USP9Y: variants seen among roughly 807,000 people sequenced by gnomAD.
USP9Y encodes ubiquitin carboxyl-terminal hydrolase 9Y.
A neutral mutation model predicts 53.1 loss-of-function variants in USP9Y; 41 were observed. The ratio of observed to expected loss-of-function variants is 0.77; its 90% CI spans 0.60 to 1.00. The LOEUF (loss-of-function observed/expected upper bound fraction) is 1.00. Ranked by LOEUF, USP9Y falls within the 50% of genes least tolerant of loss-of-function variation. The pLI, the probability that USP9Y is intolerant of heterozygous loss-of-function variation, is 0.00. For missense variants in USP9Y, 567 were observed against 535.8 expected (o/e 1.06, Z -0.58); for synonymous variants, 220 against 173.7 (o/e 1.27, Z -2.09).
chrY:12,717,536 C>T, intron 3 of USP9Y, among the ~76,000 whole-genome samples: 1 of 32,135 alleles, frequency 3.1e-5, no homozygotes, highest in African/African-American at 1.2e-4. Context: ...CGGATCCCCT[C>T]GTAGGGCTGC....
chrY:12,709,655 G>GA, intron 3 of USP9Y, 112 bp downstream of exon 3: 1 of 196,582 alleles, frequency 5.1e-6, no homozygotes, highest in South Asian at 3.9e-5. Flanking sequence ...AGTTACACGT[G>GA]AAAAAAGTGA....
At chrY:12,729,873 T>G (rs2053445850) in intron 7 of USP9Y, among the ~76,000 whole-genome samples, 1 of 33,892 alleles carries the variant, frequency 3.0e-5, no homozygotes, top group Non-Finnish European at 7.3e-5. Flanking sequence ...ACGAGAATGT[T>G]TATTCTGCTA....
At chrY:12,702,788 A>T (rs1603195035) in intron 1 of USP9Y, among the ~76,000 whole-genome samples, 2 of 33,202 alleles carry the variant, frequency 6.0e-5, no homozygotes, top group Admixed American at 2.7e-4. Context: ...TCCACAATAA[A>T]TTTTTGTTTT....
intron 29 of USP9Y, 56 bp from the exon 30 acceptor site, chrY:12,811,579 T>C: frequency 2.6e-6 from 1 of 381,874 alleles, no homozygotes; most frequent in Non-Finnish European, 3.7e-6. Context: ...CCTAACTCCT[T>C]GTCCTTTTCT....
At chrY:12,769,637 C>T (rs2053483787) in intron 15 of USP9Y, among the ~76,000 whole-genome samples, 2 of 34,017 alleles carry the variant, frequency 5.9e-5, no homozygotes, top group Admixed American at 5.3e-4. Context: ...TGGTTTTTAT[C>T]GTATTCTTCT....
chrY:12,773,807 T>A lies in USP9Y; in HGVS notation c.2213T>A (p.Met738Lys). Residue 738 changes from methionine (M) to lysine (K), a missense_variant, in exon 17 of 46, where the codon ATG (methionine) becomes AAG (lysine). Coordinates refer to ENST00000338981, the MANE Select transcript of USP9Y (RefSeq NM_004654.4). Reference sequence around the variant, plus strand: ...CCTTCCCTTTTAACTGAAAATGGAATGAAATGCTTTGAAAGATTTTTCAAA... The same window carrying A: ...CCTTCCCTTTTAACTGAAAATGGAAAGAAATGCTTTGAAAGATTTTTCAAA... ...LDPSLLTENG[M>K]KCFERFFKAV... is the part of the protein sequence containing the mutation. 2.5e-6 allele frequency: 1 copy of A among 397,460 alleles called. No individual in the cohort carries two copies. Among genetic ancestry groups the A allele is most frequent in the Non-Finnish European group, 3.5e-6 (1 of 282,817 alleles).
chrY:12,740,371 CAACTT>C (rs2053456428), intron 12 of USP9Y, among the ~76,000 whole-genome samples: 1 of 33,314 alleles, frequency 3.0e-5, no homozygotes, highest in African/African-American at 1.2e-4. Context: ...ATGAAGGAAA[CAACTT>C]AAATGTCTAT....
chrY:12,763,345 T>G, intron 15 of USP9Y, among the ~76,000 whole-genome samples: 1 of 33,361 alleles, frequency 3.0e-5, no homozygotes, highest in Non-Finnish European at 7.4e-5. Flanking sequence ...ACCACTTTGT[T>G]TATCTCATTG....
Position 12,726,798 on chromosome Y carries a change from G to A in USP9Y, c.657+5G>A, listed in dbSNP as rs1432299400. ...TCAGATCCTCGATCACCAAAAGTGC[G>A]TTGGTTTGTTATTTTCAAGATTAAA... On this transcript the variant is annotated splice_donor_5th_base_variant and intron_variant, in intron 7 of 45. Transcript: ENST00000338981. The A allele has an allele frequency of 2.6e-6, 1 of 390,065 alleles. No homozygotes were observed. Among genetic ancestry groups the A allele is most frequent in the Non-Finnish European group, 3.6e-6 (1 of 275,606 alleles).
intron 12 of USP9Y, among the ~76,000 whole-genome samples, chrY:12,744,078 C>CGTGG (rs2053458854): frequency 6.0e-5 from 2 of 33,318 alleles, no homozygotes; most frequent in Non-Finnish European, 7.4e-5. Flanking sequence ...AATTAAGGAA[C>CGTGG]GTGGACACAA....
At chrY:12,817,512 A>G in intron 32 of USP9Y, among the ~76,000 whole-genome samples, 1 of 33,745 alleles carries the variant, frequency 3.0e-5, no homozygotes, top group Non-Finnish European at 7.3e-5. Context: ...AGGCATTCCT[A>G]TCTGGGTAAC....
chrY:12,743,907 T>C (rs763567196), intron 12 of USP9Y, among the ~76,000 whole-genome samples: 5 of 29,837 alleles, frequency 1.7e-4, no homozygotes, highest in Admixed American at 1.5e-3. Context: ...GTGGGCAGGG[T>C]TTTTGGCTTT....
At chrY:12,716,260 A>C (rs939995188) in intron 3 of USP9Y, among the ~76,000 whole-genome samples, 9 of 34,178 alleles carry the variant, frequency 2.6e-4, no homozygotes, top group Non-Finnish European at 5.1e-4. Context: ...TAAACAGAAA[A>C]AATTTAGTAA....
At chrY:12,723,028 G>A in intron 5 of USP9Y, among the ~76,000 whole-genome samples, 2 of 31,608 alleles carry the variant, frequency 6.3e-5, no homozygotes, top group Non-Finnish European at 1.5e-4. Context: ...CACCACACCC[G>A]GCCAGCCCCA....
At chrY:12,784,881 AG>A (rs2053500462) in intron 22 of USP9Y, among the ~76,000 whole-genome samples, 1 of 33,418 alleles carries the variant, frequency 3.0e-5, no homozygotes, top group Non-Finnish European at 7.4e-5. Flanking sequence ...TATCAATATC[AG>A]GAATTACAAC....
intron 15 of USP9Y, among the ~76,000 whole-genome samples, chrY:12,767,879 C>T (rs564851490): frequency 6.2e-5 from 2 of 32,016 alleles, no homozygotes; most frequent in African/African-American, 2.4e-4. Flanking sequence ...GACAGAGTCT[C>T]ACTCTGTCGC....
intron 22 of USP9Y, among the ~76,000 whole-genome samples, chrY:12,781,303 A>T: frequency 2.9e-5 from 1 of 34,198 alleles, no homozygotes; most frequent in African/African-American, 1.1e-4. Flanking sequence ...AATTAAAAAT[A>T]CATTATTGCT....
chrY:12,810,835 T>A lies in USP9Y; in HGVS notation c.4239+17T>A. The stretch of plus-strand genomic sequence containing the variant: ...AGGATTAGGGTAAGTTGAATAGTAT[T>A]TAGTTTATTATGTCATGACCAAATC... On this transcript the variant is annotated intron_variant, in intron 29 of 45. Coordinates refer to ENST00000338981, the MANE Select transcript of USP9Y (RefSeq NM_004654.4). 1 of 389,901 alleles carries A rather than the reference T, an allele frequency of 2.6e-6. No individual in the cohort carries two copies. Among genetic ancestry groups the A allele is most frequent in the Non-Finnish European group, 3.6e-6 (1 of 277,210 alleles).
In USP9Y at chrY:12,811,707, G is replaced by A; in HGVS notation, c.4312G>A (p.Glu1438Lys). The change falls in exon 30 of 46, where the codon GAG becomes AAG. Residue 1438 changes from glutamate to lysine, a missense_variant. By Grantham distance (56) the Glu-to-Lys change is moderately conservative. Coordinates refer to ENST00000338981, the MANE Select transcript of USP9Y (RefSeq NM_004654.4). ...ILEGHLGVTK[E>K]LLAFQTSEKK... ...GGAAGGCCACCTTGGGGTAACAAAA[G>A]AGTTATTGGCCTTTCAAACTTCTGA... 2.5e-6 allele frequency: 1 copy of A among 398,496 alleles called. No individual in the cohort carries two copies. Among genetic ancestry groups the A allele is most frequent in the Non-Finnish European group, 3.5e-6 (1 of 283,203 alleles).
Sources: gnomAD v4.1 joint callset for allele counts (sites outside exome capture counted in the v4.1 genomes callset) on GRCh38, gnomAD v4.1.1 for gene constraint, MANE v1.5 for transcripts, NCBI Gene and HGNC (gene_info 2026-07-23, HGNC 2026-07-21) for gene names.